The following ITGB2 variants were observed in gnomAD, a reference collection of about 807,000 sequenced individuals.
The protein encoded by ITGB2 is integrin beta-2.
ITGB2 carries 56 observed loss-of-function variants against 86.8 expected under a neutral mutation model. That is an observed-to-expected ratio of 0.65 (90% CI 0.52 to 0.81). ITGB2 has a LOEUF of 0.81. Ranked by LOEUF, ITGB2 falls within the 30% of genes least tolerant of loss-of-function variation. The pLI, the probability that ITGB2 is intolerant of heterozygous loss-of-function variation, is 0.00. For missense variants in ITGB2, 948 were observed against 1,061.2 expected, an observed-to-expected ratio of 0.89 and a Z score of 1.48; for synonymous variants, 457 against 450.4, an observed-to-expected ratio of 1.01 and a Z score of -0.19.
chr21:44,886,715 C>A, intron 15 of ITGB2, 21 bp downstream of exon 15: 2 of 1,613,898 alleles, frequency 1.2e-6, no homozygotes, highest in Non-Finnish European at 1.7e-6. Context: ...CTGCGTGGGA[C>A]CCCCAAGGAC....
In ITGB2 at chr21:44,920,150, C is replaced by G. The variant is rs551899314; in HGVS notation, c.-4+671G>C. Among the ~76,000 whole-genome samples the G allele has an allele frequency of 2.8e-3, 429 of 152,298 alleles. 4 individuals carry two copies. Among genetic ancestry groups the G allele is most frequent in the Middle Eastern group, 0.014 (4 of 294 alleles). ...AGAGGAGCATGGAGCATGTGCCACACCACACCACACTACATTACACATGTG... is the reference window on the plus strand; with the variant it reads ...AGAGGAGCATGGAGCATGTGCCACAGCACACCACACTACATTACACATGTG... On this transcript the variant is annotated intron_variant, in intron 1 of 15. Coordinates refer to ENST00000652462, the MANE Select transcript of ITGB2 (RefSeq NM_000211.5).
intron 13 of ITGB2, 175 bp downstream of exon 13, chr21:44,889,101 G>A: frequency 1.4e-6 from 1 of 704,088 alleles, no homozygotes; most frequent in East Asian, 2.7e-5. Context: ...GCGCACAGGA[G>A]GGAGGAGGGA....
chr21:44,903,033 C>T (rs1441516340), intron 5 of ITGB2, among the ~76,000 whole-genome samples: 1 of 152,166 alleles, frequency 6.6e-6, no homozygotes, highest in Non-Finnish European at 1.5e-5. Flanking sequence ...GCTGTGCCGT[C>T]TATATGTGTT....
chr21:44,913,291 G>T (rs1285845710), intron 1 of ITGB2, among the ~76,000 whole-genome samples: 1 of 152,106 alleles, frequency 6.6e-6, no homozygotes, highest in Admixed American at 6.5e-5. Flanking sequence ...TGAGGTCTCC[G>T]CCCCTAACAC....
intron 6 of ITGB2, 97 bp from the exon 7 acceptor site, chr21:44,900,572 C>CA: frequency 6.7e-7 from 1 of 1,491,868 alleles, no homozygotes; most frequent in Admixed American, 1.8e-5. Flanking sequence ...TGGGGTGGCC[C>CA]GGAGGCTGGT....
Position 44,889,326 on chromosome 21 carries a change from C to T in ITGB2, c.1827G>A (p.Leu609=). 1.2e-6 allele frequency: 2 copies of T among 1,612,894 alleles called. No homozygotes were observed. Among genetic ancestry groups the T allele is most frequent in the Non-Finnish European group, 1.7e-6 (2 of 1,179,868 alleles). The part of the protein sequence containing the change: ...NVCECHSGYQ[L]PLCQECPGCP... ...AGCCGGGGCACTCCTGGCACAGAGGCAGCTGGTAGCCTGAATGGCACTCGC... is the reference window on the plus strand; with the variant it reads ...AGCCGGGGCACTCCTGGCACAGAGGTAGCTGGTAGCCTGAATGGCACTCGC... Residue 609 remains leucine, a synonymous_variant, in exon 13 of 16, where the codon CTG becomes CTA. Transcript: ENST00000652462.
rs2083704441 is a variant in ITGB2, at chr21:44,886,735, C to T, written c.2247+1G>A. On this transcript the variant is annotated splice_donor_variant, in intron 15 of 15. Coordinates refer to ENST00000652462, the MANE Select transcript of ITGB2 (RefSeq NM_000211.5). LOFTEE classifies it high-confidence loss of function. The stretch of plus-strand genomic sequence containing the variant: ...TGGGACCCCCAAGGACGGCCACTTA[C>T]ATTGTTCCACTGGGACTTGAGCTTC... 1 of 1,613,980 alleles carries T rather than the reference C, an allele frequency of 6.2e-7. No homozygotes were observed. Among genetic ancestry groups the T allele is most frequent in the Non-Finnish European group, 8.5e-7 (1 of 1,180,036 alleles).
chr21:44,920,238 GCACA>G (rs369519324), intron 1 of ITGB2, among the ~76,000 whole-genome samples: 7 of 151,702 alleles, frequency 4.6e-5, no homozygotes, highest in African/African-American at 1.5e-4. Flanking sequence ...CACCATACAT[GCACA>G]CACACACACC....
At chr21:44,893,935 G>A in intron 9 of ITGB2, 1 of 332,544 alleles carries the variant, frequency 3.0e-6, no homozygotes, top group East Asian at 7.6e-5. Flanking sequence ...GCCAGAGACA[G>A]AGAGATGGAG....
chr21:44,892,205 C>T (rs960579742), intron 10 of ITGB2, among the ~76,000 whole-genome samples: 3 of 152,208 alleles, frequency 2.0e-5, no homozygotes, highest in African/African-American at 4.8e-5. Context: ...CCGCACTGGC[C>T]GGCACCAGGA....
At chr21:44,893,213 C>T (rs1396961321) in intron 10 of ITGB2, 191 bp downstream of exon 10, 1 of 621,886 alleles carries the variant, frequency 1.6e-6, no homozygotes, top group Non-Finnish European at 2.8e-6. Flanking sequence ...GTGGATGCTG[C>T]CTGCTCCCAG....
At chr21:44,900,801 G>A (rs974864501) in intron 6 of ITGB2, among the ~76,000 whole-genome samples, 25 of 152,330 alleles carry the variant, frequency 1.6e-4, no homozygotes, top group Admixed American at 1.4e-3. Flanking sequence ...AAAAACCCTC[G>A]CAGACGTGTG....
rs2083705356 is a variant in ITGB2, at chr21:44,886,801, G to A, written c.2182C>T (p.His728Tyr). The change falls in exon 15 of 16, where the codon CAC becomes TAC. Residue 728 changes from histidine (H) to tyrosine (Y), a missense_variant. Transcript: ENST00000652462. Reference protein sequence around the residue: ...LLLVIWKALIHLSDLREYRRF... With the variant: ...LLLVIWKALIYLSDLREYRRF... ...CTGTACTCCCGGAGGTCGCTCAGGT[G>A]GATCAGAGCCTTCCAGATGACCAGC... 11 of 1,613,956 alleles carry A rather than the reference G, an allele frequency of 6.8e-6. No individual in the cohort carries two copies. The East Asian group carries it at 2.5e-4, about 36-fold the overall frequency.
upstream of ITGB2, chr21:44,920,978 G>C (rs1439780222): frequency 6.6e-6 from 1 of 152,394 alleles, no homozygotes; most frequent in East Asian, 1.9e-4. Flanking sequence ...AGGAAGTGGT[G>C]GGTTGCACCA....
chr21:44,894,018 CAGAG>C (rs1321066905), intron 9 of ITGB2: 1 of 266,162 alleles, frequency 3.8e-6, no homozygotes, highest in Non-Finnish European at 7.6e-6. Flanking sequence ...CAGAGAGAGA[CAGAG>C]AAAGAGAGAC....
intron 1 of ITGB2, chr21:44,911,219 A>C: frequency 3.6e-6 from 1 of 277,938 alleles, no homozygotes; most frequent in Non-Finnish European, 7.2e-6. Flanking sequence ...TACACCCCTT[A>C]CCCACACCAT....
rs577751727 is a variant in ITGB2 at position 44,903,380 on chromosome 21, C to T, written c.484G>A (p.Glu162Lys). Residue 162 changes from glutamate (E) to lysine (K), a missense_variant, in exon 5 of 16, where the codon GAG becomes AAG. Transcript: ENST00000652462. ...TGGGCCTCACCAATGCGGCCGGACT[C>T]GGTGATCTCGTTGAGGGCCCGGAGC... ...DLLRALNEIT[E>K]SGRIGFGSFV... 1.1e-5 allele frequency: 18 copies of T among 1,614,062 alleles called. No individual in the cohort carries two copies. Among genetic ancestry groups the T allele is most frequent in the Middle Eastern group, 3.3e-4 (2 of 6,062 alleles).
chr21:44,924,723 A>T (rs1024119791), upstream of ITGB2, among the ~76,000 whole-genome samples: 30 of 152,166 alleles, frequency 2.0e-4, no homozygotes, highest in African/African-American at 7.2e-4. Flanking sequence ...GGACCCAAAT[A>T]TAGCCTAGAT....
In ITGB2 at chr21:44,917,606, C is replaced by T. The variant is rs576326145; in HGVS notation, c.-4+3215G>A. 3.9e-5 allele frequency among the ~76,000 whole-genome samples: 6 copies of T among 152,286 alleles called. No homozygotes were observed. In the South Asian group the frequency reaches 1.2e-3, roughly 32 times the overall value. The stretch of plus-strand genomic sequence containing the variant: ...TTGTTGCCACTGTCACTCACCCATT[C>T]ACCCATCCATGGGACAGGGGCTTGC... On this transcript the variant is annotated intron_variant, in intron 1 of 15. Coordinates refer to ENST00000652462, the MANE Select transcript of ITGB2 (RefSeq NM_000211.5).
Sources: gnomAD v4.1 joint callset for allele counts (sites outside exome capture counted in the v4.1 genomes callset) on GRCh38, gnomAD v4.1.1 for gene constraint, MANE v1.5 for transcripts, NCBI Gene and HGNC (gene_info 2026-07-23, HGNC 2026-07-21) for gene names.